TMEM273: variants seen among roughly 807,000 people sequenced by gnomAD.
TMEM273 encodes the protein chromosome 10 open reading frame 128.
A neutral mutation model predicts 17.9 loss-of-function variants in TMEM273; 19 were observed. The observed-to-expected ratio is 1.06, with a 90% CI of 0.74 to 1.55. TMEM273 has a LOEUF of 1.55. Among genes scored for constraint, TMEM273 ranks in the 40% most tolerant of loss-of-function variants. The probability of loss-of-function intolerance (pLI) is 0.00; values close to 1 mark genes in which losing one functional copy is unlikely to be tolerated. For missense variants in TMEM273, 194 were observed against 155.6 expected (o/e 1.25, Z -1.31); for synonymous variants, 66 against 62.0 (o/e 1.07, Z -0.31).
At chr10:49,156,769 T>C (rs960041329) in intron 6 of TMEM273, among the ~76,000 whole-genome samples, 1 of 152,154 alleles carries the variant, frequency 6.6e-6, no homozygotes, top group Non-Finnish European at 1.5e-5. Context: ...CAGCACATAT[T>C]TGACTACCCC....
At chr10:49,182,849 A>G (rs1847431285) in intron 1 of TMEM273, among the ~76,000 whole-genome samples, 1 of 152,214 alleles carries the variant, frequency 6.6e-6, no homozygotes, top group East Asian at 1.9e-4. Context: ...TTCCTCAGGC[A>G]TCCCGTGCCT....
chr10:49,172,495 C>G (rs1385756362), intron 1 of TMEM273, among the ~76,000 whole-genome samples: 1 of 152,144 alleles, frequency 6.6e-6, no homozygotes, highest in Non-Finnish European at 1.5e-5. Context: ...CAAGAGGCCC[C>G]ACAGCCAGAC....
At chr10:49,165,428 T>A in intron 4 of TMEM273, 145 bp from the exon 5 acceptor site, 1 of 1,500,936 alleles carries the variant, frequency 6.7e-7, no homozygotes, top group African/African-American at 1.4e-5. Flanking sequence ...AAACCACGTG[T>A]GACCTCCCAA....
chr10:49,184,195 A>G (rs1432221057), intron 1 of TMEM273, among the ~76,000 whole-genome samples: 1 of 152,242 alleles, frequency 6.6e-6, no homozygotes, highest in Admixed American at 6.5e-5. Flanking sequence ...AATAAATTCC[A>G]AATAAATTAA....
intron 1 of TMEM273, among the ~76,000 whole-genome samples, chr10:49,175,744 G>A (rs1478571060): frequency 6.6e-6 from 1 of 152,232 alleles, no homozygotes. Context: ...GGTCCATTCT[G>A]ACCAGGAGTG....
intron 6 of TMEM273, 83 bp from the exon 7 acceptor site, chr10:49,155,992 C>A (rs1451276717): frequency 6.2e-7 from 1 of 1,610,442 alleles, no homozygotes; most frequent in East Asian, 2.2e-5. Flanking sequence ...GCAATTCACA[C>A]AATTAAACAG....
At position 49,167,947 on chromosome 10, in the gene TMEM273, T is replaced by C; in HGVS notation, c.59A>G (p.Gln20Arg). 6.2e-7 allele frequency: 1 copy of C among 1,614,060 alleles called. No homozygotes were observed. ...ILFLLDVGGA[Q>R]VLATGKTPGA... ...AGGGGTCTTGCCTGTTGCCAGCACTTGAGCTCCTCCTACATCTGCAAAGAA... is the reference window on the plus strand; with the variant it reads ...AGGGGTCTTGCCTGTTGCCAGCACTCGAGCTCCTCCTACATCTGCAAAGAA... Residue 20 changes from glutamine (Q) to arginine (R), a missense_variant, in exon 2 of 7, where the codon CAA becomes CGA. By Grantham distance (43) the Gln-to-Arg change is conservative (BLOSUM62 1). Coordinates refer to ENST00000374153, the MANE Select transcript of TMEM273 (RefSeq NM_001288740.3).
chr10:49,168,307 G>C (rs1273930619), intron 1 of TMEM273, among the ~76,000 whole-genome samples: 2 of 152,054 alleles, frequency 1.3e-5, no homozygotes, highest in African/African-American at 4.8e-5. Flanking sequence ...CACAGCCAGG[G>C]AATCTCCTGC....
chr10:49,165,142 T>C (rs995854576), intron 5 of TMEM273, 63 bp downstream of exon 5: 1 of 1,490,444 alleles, frequency 6.7e-7, no homozygotes, highest in African/African-American at 1.4e-5. Context: ...CAAAGAATTA[T>C]AAAGAAAACT....
rs76567952 is a variant in TMEM273 at position 49,175,053 on chromosome 10, G to A, written c.44-7091C>T. Among the ~76,000 whole-genome samples the A allele has an allele frequency of 5.5e-3, 843 of 152,146 alleles. 27 individuals are homozygous for A. In the East Asian group the frequency reaches 0.059, roughly 11 times the overall value. ...AAAAGGACCAGTTGGAGCTAATAAAGTCTCGGTGAGGTGGCAGCAGGGACT... is the reference window on the plus strand; with the variant it reads ...AAAAGGACCAGTTGGAGCTAATAAAATCTCGGTGAGGTGGCAGCAGGGACT... On this transcript the variant is annotated intron_variant, in intron 1 of 6. Coordinates refer to ENST00000374153, the MANE Select transcript of TMEM273 (RefSeq NM_001288740.3).
intron 1 of TMEM273, among the ~76,000 whole-genome samples, chr10:49,178,586 C>T (rs7909019): frequency 0.021 from 3,246 of 152,234 alleles, 80 homozygotes; most frequent in African/African-American, 0.06. Flanking sequence ...TCTAGGAGGC[C>T]AGTGACATAG....
At chr10:49,165,706 C>T in intron 4 of TMEM273, 60 bp downstream of exon 4, 1 of 1,604,622 alleles carries the variant, frequency 6.2e-7, no homozygotes, top group Non-Finnish European at 8.5e-7. Flanking sequence ...AAGGGAGTGG[C>T]ACGGTCAAGA....
Position 49,180,922 on chromosome 10 carries a change from G to A in TMEM273, c.43+7372C>T, listed in dbSNP as rs528847508. Among the ~76,000 whole-genome samples the A allele has an allele frequency of 4.6e-5, 7 of 152,262 alleles. No homozygotes were observed. In the East Asian group the frequency reaches 1.4e-3, roughly 29 times the overall value. ...TAGTACTAACGTTCTTGTCAGCCTA[G>A]TAAGATGAGAGGAAATAAAGGCATA... On this transcript the variant is annotated intron_variant, in intron 1 of 6. Coordinates refer to ENST00000374153, the MANE Select transcript of TMEM273 (RefSeq NM_001288740.3).
intron 5 of TMEM273, 50 bp from the exon 6 acceptor site, chr10:49,161,672 A>G: frequency 6.2e-7 from 1 of 1,612,788 alleles, no homozygotes; most frequent in Non-Finnish European, 8.5e-7. Flanking sequence ...TAGAAGCCAG[A>G]AAGACAATGC....
In TMEM273 at chr10:49,175,319, C is replaced by T. The variant is rs535173523; in HGVS notation, c.44-7357G>A. On this transcript the variant is annotated intron_variant, in intron 1 of 6. Coordinates refer to ENST00000374153, the MANE Select transcript of TMEM273 (RefSeq NM_001288740.3). ...TCCCAGAGGTGGGAGTGCTTGGCCACTCATATCTTGCCTGCTACAATGCCT... is the reference window on the plus strand; with the variant it reads ...TCCCAGAGGTGGGAGTGCTTGGCCATTCATATCTTGCCTGCTACAATGCCT... 1.3e-4 allele frequency among the ~76,000 whole-genome samples: 20 copies of T among 152,290 alleles called. No homozygotes were observed. In the South Asian group the frequency reaches 4.1e-3, roughly 32 times the overall value.
chr10:49,182,848 C>T (rs1176931077), intron 1 of TMEM273, among the ~76,000 whole-genome samples: 1 of 152,100 alleles, frequency 6.6e-6, no homozygotes, highest in Non-Finnish European at 1.5e-5. Context: ...CTTCCTCAGG[C>T]ATCCCGTGCC....
chr10:49,178,445 T>G, intron 1 of TMEM273: 1 of 380,484 alleles, frequency 2.6e-6, no homozygotes, highest in Non-Finnish European at 5.3e-6. Flanking sequence ...AGTGGGAGTA[T>G]CTCTATGACC....
intron 5 of TMEM273, among the ~76,000 whole-genome samples, chr10:49,163,066 G>A (rs1302715585): frequency 6.6e-6 from 1 of 152,098 alleles, no homozygotes; most frequent in Admixed American, 6.5e-5. Flanking sequence ...AGGAGAACCT[G>A]TGATTGTGCC....
intron 1 of TMEM273, 51 bp downstream of exon 1, chr10:49,188,243 C>T (rs761430230): frequency 6.2e-7 from 1 of 1,605,856 alleles, no homozygotes; most frequent in South Asian, 1.1e-5. Flanking sequence ...CCCCCAGTTT[C>T]CTGCCCACTG....
Sources: allele counts gnomAD v4.1 joint callset (sites outside exome capture counted in the v4.1 genomes callset), GRCh38; gene constraint gnomAD v4.1.1; transcripts MANE v1.5; gene names NCBI Gene and HGNC (gene_info 2026-07-23, HGNC 2026-07-21).